Variants in PLEKHH2 observed in about 807,000 individuals in gnomAD.
PLEKHH2 encodes pleckstrin homology domain-containing family H member 2.
PLEKHH2 carries 129 observed loss-of-function variants against 187.9 expected under a neutral mutation model. That is an observed-to-expected ratio of 0.69 (90% CI 0.59 to 0.79). The LOEUF is 0.79. PLEKHH2 is among the 30% of genes least tolerant of loss of function. The pLI, the probability that PLEKHH2 is intolerant of heterozygous loss-of-function variation, is 0.00. For synonymous variants in PLEKHH2, 686 were observed against 605.6 expected (o/e 1.13, Z -1.95); for missense variants, 2,076 against 1,751.2 (o/e 1.19, Z -3.31).
intron 22 of PLEKHH2, 121 bp from the exon 23 acceptor site, chr2:43,743,713 A>C (rs1385581935): frequency 9.3e-6 from 9 of 963,846 alleles, no homozygotes; most frequent in Non-Finnish European, 1.3e-5. Flanking sequence ...AAAAAGTTGA[A>C]GCACCTAGAA....
chr2:43,755,480 G>A (rs1672180594), intron 25 of PLEKHH2, among the ~76,000 whole-genome samples: 1 of 152,120 alleles, frequency 6.6e-6, no homozygotes, highest in African/African-American at 2.4e-5. Flanking sequence ...CTCTGGTCTG[G>A]TCCCTCACAA....
intron 23 of PLEKHH2, among the ~76,000 whole-genome samples, chr2:43,745,400 G>A (rs1346756298): frequency 2.0e-5 from 3 of 152,176 alleles, no homozygotes; most frequent in East Asian, 3.8e-4. Flanking sequence ...AAATGAGAAA[G>A]CTGAGGCCTA....
chr2:43,685,495 T>C (rs1668458934), intron 3 of PLEKHH2, among the ~76,000 whole-genome samples: 1 of 152,098 alleles, frequency 6.6e-6, no homozygotes. Flanking sequence ...TGATGCGATC[T>C]CAGCTCACTG....
At position 43,766,015 on chromosome 2, in the gene PLEKHH2, A is replaced by G. The variant is rs1460034547; in HGVS notation, c.*417A>G. On this transcript the variant is annotated 3_prime_UTR_variant, in exon 30 of 30. Transcript: ENST00000282406. ...GGAAATGTTCACTGCCAAAATAGTA[A>G]GTGCTATAACTAAATGCGCTTTTAA... The G allele has an allele frequency of 6.1e-6, 1 of 163,238 alleles. No individual in the cohort carries two copies. The highest frequency in any genetic ancestry group is 1.8e-4 in the East Asian group (1 of 5,646). The allele number at this position is 163,238 out of a possible 1,614,324, so 10.1% of individuals were successfully genotyped here.
At chr2:43,680,820 T>G in intron 3 of PLEKHH2, 2 of 436,678 alleles carry the variant, frequency 4.6e-6, no homozygotes, top group South Asian at 5.2e-5. Flanking sequence ...ATATCTTTCT[T>G]GATTGTATTT....
intron 2 of PLEKHH2, 132 bp from the exon 3 acceptor site, chr2:43,678,731 G>T: frequency 1.6e-6 from 1 of 624,826 alleles, no homozygotes; most frequent in African/African-American, 1.9e-5. Flanking sequence ...CGTGGGTAGA[G>T]GTGGAAGTGG....
At chr2:43,669,202 C>T (rs765458271) in intron 2 of PLEKHH2, among the ~76,000 whole-genome samples, 19 of 152,130 alleles carry the variant, frequency 1.2e-4, no homozygotes, top group Non-Finnish European at 2.5e-4. Context: ...AAAGTAATCA[C>T]CATGCAAGCA....
rs568216943 is a variant in PLEKHH2 at position 43,735,575 on chromosome 2, A to T, written c.2944-2766A>T. ...TATTTCAAAATACTTAGAAGAGAAG[A>T]TTTGGAATGTTCCCAACACAAAGAA... On this transcript the variant is annotated intron_variant, in intron 19 of 29. Transcript: ENST00000282406. 3.3e-5 allele frequency among the ~76,000 whole-genome samples: 5 copies of T among 152,324 alleles called. 1 individual carries two copies. Among genetic ancestry groups the T allele is most frequent in the Admixed American group, 2.6e-4 (4 of 15,298 alleles).
intron 25 of PLEKHH2, among the ~76,000 whole-genome samples, chr2:43,754,207 A>AC (rs1672122692): frequency 7.2e-6 from 1 of 139,546 alleles, no homozygotes; most frequent in Non-Finnish European, 1.5e-5. Context: ...CACACACACA[A>AC]AATTAATACT....
chr2:43,735,454 TG>T (rs1671245332), intron 19 of PLEKHH2, among the ~76,000 whole-genome samples: 1 of 152,112 alleles, frequency 6.6e-6, no homozygotes, highest in African/African-American at 2.4e-5. Flanking sequence ...GAAAGGAGGT[TG>T]GTTAATGGGT....
Position 43,686,976 on chromosome 2 carries a change from A to C in PLEKHH2, c.187-5538A>C, listed in dbSNP as rs371560288. ...TGGCCATGTCCCCCCTTCTCTCTAT[A>C]TATATTTATATTTTAAAATAATTTT... On this transcript the variant is annotated intron_variant, in intron 3 of 29. Coordinates refer to ENST00000282406, the MANE Select transcript of PLEKHH2 (RefSeq NM_172069.4). 2.2e-3 allele frequency among the ~76,000 whole-genome samples: 309 copies of C among 140,832 alleles called. 1 individual carries two copies. The highest frequency in any genetic ancestry group is 2.0e-3 in the Non-Finnish European group (128 of 63,136). 92.4% of individuals were successfully genotyped at this position (140,832 alleles called of 152,430 possible).
chr2:43,736,698 G>A (rs1671312101), intron 19 of PLEKHH2, among the ~76,000 whole-genome samples: 1 of 152,092 alleles, frequency 6.6e-6, no homozygotes, highest in Non-Finnish European at 1.5e-5. Flanking sequence ...GCGAGTTGTG[G>A]TGGTTGGTGC....
At chr2:43,645,255 G>A (rs1666130243) in intron 2 of PLEKHH2, among the ~76,000 whole-genome samples, 1 of 152,064 alleles carries the variant, frequency 6.6e-6, no homozygotes, top group Admixed American at 6.5e-5. Context: ...CTAGAATTGA[G>A]TTTAAAATAA....
intron 2 of PLEKHH2, among the ~76,000 whole-genome samples, chr2:43,677,155 T>A (rs184374664): frequency 6.6e-6 from 1 of 152,094 alleles, no homozygotes; most frequent in Non-Finnish European, 1.5e-5. Context: ...ATTTAACTCA[T>A]CTCCAGTGAA....
chr2:43,703,933 T>C, intron 8 of PLEKHH2, 48 bp from the exon 9 acceptor site: 5 of 643,256 alleles, frequency 7.8e-6, no homozygotes, highest in Admixed American at 3.2e-5. Context: ...TTTTTTTTTT[T>C]TTTTTTTTGC....
At position 43,710,225 on chromosome 2, in the gene PLEKHH2, A is replaced by G. The variant is rs758468579; in HGVS notation, c.2109A>G (p.Pro703=). ...SSSSDNGKNE[P]LEKSGYLLKM... is the part of the protein sequence containing the mutation. ...GTCTATCTTTTAAAAATTAGGAACC[A>G]CTGGAAAAATCTGGTTATTTATTAA... is the stretch of plus-strand genomic sequence containing the variant. Residue 703 remains proline, a synonymous_variant, in exon 13 of 30, where the codon CCA becomes CCG. Coordinates refer to ENST00000282406, the MANE Select transcript of PLEKHH2 (RefSeq NM_172069.4). 1 of 1,613,784 alleles carries G rather than the reference A, an allele frequency of 6.2e-7. No individual in the cohort carries two copies. The highest frequency in any genetic ancestry group is 1.1e-5 in the South Asian group (1 of 90,998).
chr2:43,657,377 G>C (rs965366370), intron 2 of PLEKHH2, among the ~76,000 whole-genome samples: 5 of 152,150 alleles, frequency 3.3e-5, no homozygotes, highest in African/African-American at 1.2e-4. Context: ...AGCTGGGAGT[G>C]GTGAAACAAC....
In PLEKHH2 at chr2:43,743,970, G is replaced by C; in HGVS notation, c.3536G>C (p.Cys1179Ser). ...DDPSGRDLEH[C>S]LQGNIKICDI... ...CCTTCTGGCAGAGATTTAGAGCATT[G>C]TCTTCAAGGAAACATCAAGGTGAAA... Residue 1179 changes from cysteine (C) to serine (S), a missense_variant, in exon 23 of 30, where the codon TGT (cysteine) becomes TCT (serine). Physicochemically the swap from Cys to Ser is moderately radical, Grantham distance 112. Coordinates refer to ENST00000282406, the MANE Select transcript of PLEKHH2 (RefSeq NM_172069.4). 6.2e-7 allele frequency: 1 copy of C among 1,613,808 alleles called. No individual in the cohort carries two copies. Among genetic ancestry groups the C allele is most frequent in the Non-Finnish European group, 8.5e-7 (1 of 1,179,820 alleles).
chr2:43,651,760 A>G (rs975103695), intron 2 of PLEKHH2, among the ~76,000 whole-genome samples: 2 of 152,226 alleles, frequency 1.3e-5, no homozygotes, highest in Non-Finnish European at 2.9e-5. Flanking sequence ...TAATCTCTGT[A>G]ATGGGAATAA....
Sources: gnomAD v4.1 joint callset for allele counts (sites outside exome capture counted in the v4.1 genomes callset) on GRCh38, gnomAD v4.1.1 for gene constraint, MANE v1.5 for transcripts, NCBI Gene and HGNC (gene_info 2026-07-23, HGNC 2026-07-21) for gene names.